Variants in AKT2 observed in about 807,000 individuals in gnomAD.
The protein encoded by AKT2 is AKT serine/threonine kinase 2.
Under a neutral mutation model 58.6 loss-of-function variants are expected in AKT2, and 16 were observed. The ratio of observed to expected loss-of-function variants is 0.27; its 90% CI spans 0.18 to 0.41. The LOEUF (loss-of-function observed/expected upper bound fraction) is 0.41. Ranked by LOEUF, AKT2 falls within the 10% of genes least tolerant of loss-of-function variation. The pLI, the probability that AKT2 is intolerant of heterozygous loss-of-function variation, is 1.00. For synonymous variants in AKT2, 253 were observed against 254.0 expected, an observed-to-expected ratio of 1.00 and a Z score of 0.04; for missense variants, 438 against 661.0, an observed-to-expected ratio of 0.66 and a Z score of 3.70.
intron 1 of AKT2, among the ~76,000 whole-genome samples, chr19:40,275,783 C>CGGGGGG (rs2077309069): frequency 2.2e-4 from 1 of 4,600 alleles, no homozygotes; most frequent in Admixed American, 2.7e-3. Context: ...GGGGGGTGGG[C>CGGGGGG]GGGGGGCGAT....
chr19:40,258,876 G>A (rs951783151), intron 2 of AKT2, among the ~76,000 whole-genome samples: 3 of 151,996 alleles, frequency 2.0e-5, no homozygotes, highest in Admixed American at 2.0e-4. Context: ...AATTCCAACA[G>A]GCTTTTTCTT....
At chr19:40,254,817 T>G (rs1432018181) in intron 4 of AKT2, among the ~76,000 whole-genome samples, 1 of 150,460 alleles carries the variant, frequency 6.6e-6, no homozygotes, top group Non-Finnish European at 1.5e-5. Flanking sequence ...ACTTGGGCAA[T>G]AAGAGCGAAA....
At chr19:40,272,785 A>AAC (rs77490733) in intron 1 of AKT2, among the ~76,000 whole-genome samples, 18,162 of 152,168 alleles carry the variant, frequency 0.12, 1,559 homozygotes, top group African/African-American at 0.24. Flanking sequence ...ACGCCACACT[A>AAC]AGAGGCAGGA....
chr19:40,246,271 C>CT (rs1441611887), intron 4 of AKT2, among the ~76,000 whole-genome samples: 2 of 151,988 alleles, frequency 1.3e-5, no homozygotes, highest in African/African-American at 2.4e-5. Flanking sequence ...GTAGCTGGAA[C>CT]TACAGGCACC....
At chr19:40,275,778 GT>G (rs1212587231) in intron 1 of AKT2, among the ~76,000 whole-genome samples, 1,177 of 55,796 alleles carry the variant, frequency 0.021, 19 homozygotes, top group African/African-American at 0.029. Context: ...GGGGGGGGGG[GT>G]GGGCGGGGGG....
At position 40,238,553 on chromosome 19, in the gene AKT2, A is replaced by C. The variant is rs1035480333; in HGVS notation, c.708+352T>G. On this transcript the variant is annotated intron_variant, in intron 8 of 13. Transcript: ENST00000392038. This position sits in a 1 kb window ranked among gnomAD's most constrained non-coding sequence, Gnocchi z 5.1. ...CTGCGGGAATTCACTTCGAGAGGAC[A>C]CGGGAACGGAGGGCTGCTAGGTTTT... is the stretch of plus-strand genomic sequence containing the variant. Among the ~76,000 whole-genome samples the C allele has an allele frequency of 1.3e-5, 2 of 152,138 alleles. No homozygotes were observed. The highest frequency in any genetic ancestry group is 2.9e-5 in the Non-Finnish European group (2 of 68,008).
At position 40,235,472 on chromosome 19, in the gene AKT2, A is replaced by C; in HGVS notation, c.1176-122T>G. On this transcript the variant is annotated intron_variant, in intron 11 of 13. Coordinates refer to ENST00000392038, the MANE Select transcript of AKT2 (RefSeq NM_001626.6). The surrounding 1 kb of genome is among the most constrained non-coding windows in gnomAD (Gnocchi z 6.3). ...TTCTGTCTTGACCACAAACCACTTC[A>C]CAGAGGAGGAAACCGAGGCTCAGGG... 1.1e-6 allele frequency: 1 copy of C among 915,800 alleles called. No individual in the cohort carries two copies. The highest frequency in any genetic ancestry group is 1.6e-5 in the African/African-American group (1 of 61,286). The allele number at this position is 915,800 out of a possible 1,614,324, so 56.7% of individuals were successfully genotyped here.
chr19:40,257,143 A>T, intron 2 of AKT2, 89 bp from the exon 3 acceptor site: 2 of 1,523,498 alleles, frequency 1.3e-6, no homozygotes, highest in South Asian at 2.3e-5. Context: ...TGTGACGGTG[A>T]CTCACAAGGG....
rs1290582528 is a variant in AKT2 at position 40,232,820 on chromosome 19, CAT to C, written c.*1050_*1051del. 1.7e-5 allele frequency: 4 copies of C among 235,458 alleles called. No homozygotes were observed. Among genetic ancestry groups the C allele is most frequent in the Non-Finnish European group, 3.4e-5 (4 of 119,362 alleles). 14.6% of individuals were successfully genotyped at this position (235,458 alleles called of 1,614,324 possible). A position where few individuals can be genotyped will look rare whatever the true frequency, so the allele number is the denominator to read the frequency against. On this transcript the variant is annotated 3_prime_UTR_variant, in exon 14 of 14. Transcript: ENST00000392038. Reference sequence around the variant, plus strand: ...CACAGCACTGACATGGACGTGCACTCATGTTCAACCTTAAGGCTGCAGAACGT... The same window carrying C: ...CACAGCACTGACATGGACGTGCACTCGTTCAACCTTAAGGCTGCAGAACGT...
intron 1 of AKT2, among the ~76,000 whole-genome samples, chr19:40,272,367 A>C (rs1317381428): frequency 1.3e-5 from 2 of 152,210 alleles, no homozygotes; most frequent in African/African-American, 4.8e-5. Flanking sequence ...GGAAGGGCTC[A>C]GCACAGCACC....
At chr19:40,271,643 T>G (rs1333655134) in intron 1 of AKT2, among the ~76,000 whole-genome samples, 1 of 152,154 alleles carries the variant, frequency 6.6e-6, no homozygotes, top group African/African-American at 2.4e-5. Flanking sequence ...AAAATGTACA[T>G]GTGCTTGGAG....
chr19:40,241,777 C>T, intron 6 of AKT2, 161 bp downstream of exon 6: 1 of 1,105,226 alleles, frequency 9.0e-7, no homozygotes, highest in East Asian at 2.6e-5. Context: ...GCCTGCTGCT[C>T]CTCTCTGGGC....
intron 1 of AKT2, among the ~76,000 whole-genome samples, chr19:40,277,371 A>C (rs111573861): frequency 2.7e-3 from 415 of 152,272 alleles, no homozygotes; most frequent in African/African-American, 9.0e-3. Context: ...TTCGGACACC[A>C]GTTTGAGAAG....
At chr19:40,277,648 G>A (rs991212285) in intron 1 of AKT2, among the ~76,000 whole-genome samples, 4 of 152,080 alleles carry the variant, frequency 2.6e-5, no homozygotes, top group Admixed American at 6.5e-5. Context: ...CCTTCCTTGC[G>A]GCCTTTACCT....
chr19:40,258,736 A>G (rs1975732952), intron 2 of AKT2, among the ~76,000 whole-genome samples: 1 of 151,332 alleles, frequency 6.6e-6, no homozygotes, highest in African/African-American at 2.4e-5. Flanking sequence ...TATACTACAA[A>G]ACATTGTTTA....
intron 1 of AKT2, chr19:40,282,409 A>G (rs2077439391): frequency 1.3e-5 from 6 of 448,262 alleles, no homozygotes; most frequent in Non-Finnish European, 2.2e-5. Context: ...CACCCCCTGC[A>G]TGGCTCTCTT....
intron 2 of AKT2, among the ~76,000 whole-genome samples, chr19:40,262,124 A>T (rs1239135841): frequency 6.6e-6 from 1 of 151,828 alleles, no homozygotes; most frequent in Non-Finnish European, 1.5e-5. Flanking sequence ...AGAAACCTAA[A>T]AGCTGAACGC....
At chr19:40,264,771 C>T (rs1284992114) in intron 2 of AKT2, among the ~76,000 whole-genome samples, 1 of 152,036 alleles carries the variant, frequency 6.6e-6, no homozygotes, top group Non-Finnish European at 1.5e-5. Context: ...CACCCCAGCA[C>T]TTGCCACCCC....
intron 4 of AKT2, among the ~76,000 whole-genome samples, chr19:40,245,356 T>G (rs1974678545): frequency 1.3e-5 from 2 of 152,066 alleles, no homozygotes; most frequent in African/African-American, 4.8e-5. Context: ...CTAGACAACA[T>G]AAGAAGACCA....
Sources: gnomAD v4.1 joint callset for allele counts (sites outside exome capture counted in the v4.1 genomes callset) on GRCh38, gnomAD v4.1.1 for gene constraint, Gnocchi (gnomAD v3.1) non-coding constraint, MANE v1.5 for transcripts, NCBI Gene and HGNC (gene_info 2026-07-23, HGNC 2026-07-21) for gene names.